The following HMBOX1 variants were observed in gnomAD, a reference collection of about 807,000 sequenced individuals.
HMBOX1 encodes the protein homeobox containing 1.
In HMBOX1, 14 loss-of-function variants were observed where a neutral mutation model predicts 54.5. The ratio of observed to expected loss-of-function variants is 0.26; its 90% confidence interval spans 0.17 to 0.40. The LOEUF is 0.40. Ranked by LOEUF, HMBOX1 falls within the 10% of genes least tolerant of loss-of-function variation. HMBOX1 has a pLI of 1.00. For missense variants in HMBOX1, 332 were observed against 514.4 expected, an observed-to-expected ratio of 0.65 and a Z score of 3.43; for synonymous variants, 160 against 181.0, an observed-to-expected ratio of 0.88 and a Z score of 0.93.
chr8:29,033,412 T>C (rs1460969282), intron 6 of HMBOX1, among the ~76,000 whole-genome samples: 1 of 152,182 alleles, frequency 6.6e-6, no homozygotes, highest in Non-Finnish European at 1.5e-5. Flanking sequence ...AGCCTGGACA[T>C]GACCTCATTT....
At chr8:28,979,035 T>G (rs959524454) in intron 3 of HMBOX1, among the ~76,000 whole-genome samples, 1 of 152,204 alleles carries the variant, frequency 6.6e-6, no homozygotes, top group Admixed American at 6.5e-5. Flanking sequence ...GTGAAAATGA[T>G]CCTTAGCTCA....
intron 1 of HMBOX1, among the ~76,000 whole-genome samples, chr8:28,895,283 A>G (rs564253534): frequency 6.6e-6 from 1 of 152,366 alleles, no homozygotes; most frequent in African/African-American, 2.4e-5. Flanking sequence ...AGTAACTTTA[A>G]TTTGTATCTA....
intron 1 of HMBOX1, among the ~76,000 whole-genome samples, chr8:28,950,939 T>C (rs950814117): frequency 2.0e-5 from 3 of 152,210 alleles, no homozygotes; most frequent in Non-Finnish European, 2.9e-5. Context: ...TAGGCTATTA[T>C]AGTAAATTCT....
intron 1 of HMBOX1, among the ~76,000 whole-genome samples, chr8:28,960,404 T>C (rs996070532): frequency 5.9e-5 from 9 of 151,982 alleles, no homozygotes; most frequent in African/African-American, 2.2e-4. Flanking sequence ...GTTTGGATTA[T>C]ATATATGAAA....
chr8:28,929,370 G>A (rs1249313460), intron 1 of HMBOX1, among the ~76,000 whole-genome samples: 1 of 152,174 alleles, frequency 6.6e-6, no homozygotes, highest in African/African-American at 2.4e-5. Context: ...AGGGAAGTGA[G>A]AAGGCAAGTT....
At position 28,992,672 on chromosome 8, in the gene HMBOX1, G is replaced by A. The variant is rs761366426; in HGVS notation, c.586+12516G>A. 4.6e-5 allele frequency among the ~76,000 whole-genome samples: 7 copies of A among 151,814 alleles called. No homozygotes were observed. In the East Asian group the frequency reaches 5.8e-4, roughly 13 times the overall value. On this transcript the variant is annotated intron_variant, in intron 4 of 9. Transcript: ENST00000287701. Reference sequence around the variant, plus strand: ...GATCACGAGGTCAGGAGTTCAAGACGAGTCTGGTCAACATAGTGAATCCCC... The same window carrying A: ...GATCACGAGGTCAGGAGTTCAAGACAAGTCTGGTCAACATAGTGAATCCCC...
chr8:28,962,681 G>A (rs926532883), intron 1 of HMBOX1, among the ~76,000 whole-genome samples: 4 of 152,136 alleles, frequency 2.6e-5, no homozygotes, highest in Non-Finnish European at 5.9e-5. Context: ...ACACCTTGAT[G>A]TTGTGGAAGT....
chr8:29,049,835 G>A (rs1806174418), intron 9 of HMBOX1, among the ~76,000 whole-genome samples: 1 of 152,156 alleles, frequency 6.6e-6, no homozygotes, highest in Admixed American at 6.6e-5. Context: ...GAAAACTTCT[G>A]CTCATTTTTC....
At chr8:28,998,392 T>A (rs1832165736) in intron 4 of HMBOX1, among the ~76,000 whole-genome samples, 1 of 152,202 alleles carries the variant, frequency 6.6e-6, no homozygotes. Flanking sequence ...GAGCCTTTTA[T>A]TATGTCTTAT....
chr8:29,046,852 T>A (rs1006376595), intron 7 of HMBOX1, among the ~76,000 whole-genome samples: 20 of 152,156 alleles, frequency 1.3e-4, no homozygotes, highest in Admixed American at 1.0e-3. Context: ...TATGGTGGCC[T>A]GGGCCTGTAG....
chr8:28,915,172 AAT>A (rs1476845536), intron 1 of HMBOX1, among the ~76,000 whole-genome samples: 1 of 152,220 alleles, frequency 6.6e-6, no homozygotes, highest in Non-Finnish European at 1.5e-5. Flanking sequence ...ATCCAATAGG[AAT>A]ATAATGCCTA....
chr8:28,915,215 C>T (rs1816272671), intron 1 of HMBOX1, among the ~76,000 whole-genome samples: 1 of 152,104 alleles, frequency 6.6e-6, no homozygotes, highest in South Asian at 2.1e-4. Context: ...ATTCTAGTTA[C>T]TACATTTTAT....
intron 4 of HMBOX1, among the ~76,000 whole-genome samples, chr8:29,003,851 T>C (rs1833042503): frequency 6.6e-6 from 1 of 152,006 alleles, no homozygotes; most frequent in Admixed American, 6.6e-5. Flanking sequence ...GAAATTTCAT[T>C]TTTTCAATTG....
Position 29,051,774 on chromosome 8 carries a change from T to C in HMBOX1, c.*619T>C, listed in dbSNP as rs1806453148. The C allele has an allele frequency of 5.2e-6, 3 of 577,964 alleles. No homozygotes were observed. In the East Asian group the frequency reaches 8.4e-5, roughly 16 times the overall value. 35.8% of individuals were successfully genotyped at this position (577,964 alleles called of 1,614,324 possible). ...TGGAAAAAGCCGATCTCAGATTTTG[T>C]TTGAAGTTAACATGCCTGACACAGA... On this transcript the variant is annotated 3_prime_UTR_variant, in exon 10 of 10. Coordinates refer to ENST00000287701, the MANE Select transcript of HMBOX1 (RefSeq NM_001135726.3).
At chr8:28,900,954 T>G (rs1043348304) in intron 1 of HMBOX1, among the ~76,000 whole-genome samples, 10 of 152,186 alleles carry the variant, frequency 6.6e-5, no homozygotes, top group Admixed American at 2.0e-4. Context: ...TTTGGAGCCA[T>G]ATTGTCTAGG....
At chr8:28,915,884 G>T (rs1816450492) in intron 1 of HMBOX1, 2 of 151,892 alleles carry the variant, frequency 1.3e-5, no homozygotes, top group African/African-American at 2.4e-5. Context: ...TTTAATAACA[G>T]GTTTTATTTA....
intron 1 of HMBOX1, among the ~76,000 whole-genome samples, chr8:28,902,774 T>TC (rs1813477137): frequency 4.6e-5 from 1 of 21,766 alleles, no homozygotes; most frequent in African/African-American, 1.2e-4. Context: ...CATGCAGGCC[T>TC]GCCTGTGTTG....
intron 1 of HMBOX1, among the ~76,000 whole-genome samples, chr8:28,931,501 G>T (rs915125579): frequency 2.0e-5 from 3 of 152,056 alleles, no homozygotes; most frequent in African/African-American, 7.2e-5. Context: ...CCCCTTCTCA[G>T]TGGGATAGAG....
chr8:29,044,371 A>T (rs1805276178), intron 6 of HMBOX1, among the ~76,000 whole-genome samples: 1 of 152,028 alleles, frequency 6.6e-6, no homozygotes. Flanking sequence ...CTTTTTTTAA[A>T]CTCATGGGTG....
Sources: allele counts gnomAD v4.1 joint callset (sites outside exome capture counted in the v4.1 genomes callset), GRCh38; gene constraint gnomAD v4.1.1; transcripts MANE v1.5; gene names NCBI Gene and HGNC (gene_info 2026-07-23, HGNC 2026-07-21).